Variants in CHEK1 observed in about 807,000 individuals in gnomAD.
The protein encoded by CHEK1 is checkpoint kinase 1.
In CHEK1, 32 loss-of-function variants were observed where a neutral mutation model predicts 60.2. That is an observed-to-expected ratio of 0.53 (90% CI 0.40 to 0.71). The LOEUF (loss-of-function observed/expected upper bound fraction) is 0.71. Ranked by LOEUF, CHEK1 falls within the 30% of genes least tolerant of loss-of-function variation. The pLI, the probability that CHEK1 is intolerant of heterozygous loss-of-function variation, is 0.00. For synonymous variants in CHEK1, 179 were observed against 187.2 expected (o/e 0.96, Z 0.36); for missense variants, 399 against 564.6 (o/e 0.71, Z 2.97).
At chr11:125,678,856 C>T (rs1942644155), downstream of CHEK1, among the ~76,000 whole-genome samples, 1 of 151,308 alleles carries the variant, frequency 6.6e-6, no homozygotes, top group Admixed American at 6.6e-5. Context: ...AGGGATTAAG[C>T]CGCCTGTATT....
chr11:125,662,900 T>G (rs117945956), intron 13 of CHEK1, among the ~76,000 whole-genome samples: 135 of 152,332 alleles, frequency 8.9e-4, no homozygotes, highest in Middle Eastern at 3.4e-3. Flanking sequence ...CTATTTTTTG[T>G]TTTAGCCATT....
At chr11:125,634,439 C>T (rs1398709582) in intron 6 of CHEK1, among the ~76,000 whole-genome samples, 1 of 152,054 alleles carries the variant, frequency 6.6e-6, no homozygotes, top group Non-Finnish European at 1.5e-5. Flanking sequence ...CCTCCTGCCT[C>T]AGTCTCCTCA....
At chr11:125,640,669 A>T (rs953044699) in intron 8 of CHEK1, among the ~76,000 whole-genome samples, 1 of 152,116 alleles carries the variant, frequency 6.6e-6, no homozygotes, top group African/African-American at 2.4e-5. Flanking sequence ...TCCTGAGCTT[A>T]AATGATCCTC....
At chr11:125,646,586 C>T (rs1346300357) in intron 11 of CHEK1, among the ~76,000 whole-genome samples, 2 of 152,126 alleles carry the variant, frequency 1.3e-5, no homozygotes, top group Admixed American at 6.5e-5. Context: ...TTTACGTTCC[C>T]ATCAGTAATG....
intron 13 of CHEK1, among the ~76,000 whole-genome samples, chr11:125,665,998 A>G (rs754178111): frequency 2.4e-4 from 35 of 147,940 alleles, no homozygotes; most frequent in East Asian, 2.0e-3. Flanking sequence ...TTATTTCTAC[A>G]TTGATCTTTA....
At chr11:125,641,795 T>C (rs1254600794) in intron 8 of CHEK1, among the ~76,000 whole-genome samples, 1 of 152,146 alleles carries the variant, frequency 6.6e-6, no homozygotes, top group Non-Finnish European at 1.5e-5. Context: ...ATTACCTTTT[T>C]TTTTTTTACC....
downstream of CHEK1, chr11:125,678,226 C>G (rs1264554901): frequency 6.2e-7 from 1 of 1,614,188 alleles, no homozygotes. Flanking sequence ...GAAAAGAACT[C>G]ACCTGGAAGT....
At chr11:125,675,475 A>T (rs968307911) in intron 13 of CHEK1, among the ~76,000 whole-genome samples, 2 of 152,244 alleles carry the variant, frequency 1.3e-5, no homozygotes, top group African/African-American at 4.8e-5. Flanking sequence ...GCATGTAGAA[A>T]TAGGAAAATG....
intron 13 of CHEK1, among the ~76,000 whole-genome samples, chr11:125,675,421 G>A (rs1018917552): frequency 3.9e-5 from 6 of 152,088 alleles, no homozygotes; most frequent in Non-Finnish European, 8.8e-5. Flanking sequence ...GTAGTTCATG[G>A]TATGTGTCAT....
intron 13 of CHEK1, among the ~76,000 whole-genome samples, chr11:125,670,845 CT>C (rs1208295814): frequency 1.3e-5 from 2 of 151,944 alleles, no homozygotes; most frequent in Non-Finnish European, 2.9e-5. Context: ...GCTTTCAAAT[CT>C]TTTTTTTATG....
downstream of CHEK1, among the ~76,000 whole-genome samples, chr11:125,660,332 T>C (rs1941988951): frequency 1.3e-5 from 2 of 152,224 alleles, no homozygotes; most frequent in African/African-American, 4.8e-5. Flanking sequence ...AGTGAATTAC[T>C]AGAGAAGCAT....
At chr11:125,667,864 A>C (rs540053894) in intron 13 of CHEK1, among the ~76,000 whole-genome samples, 83 of 152,146 alleles carry the variant, frequency 5.5e-4, no homozygotes, top group African/African-American at 1.9e-3. Context: ...CAAATGATCC[A>C]CCCACATCAG....
intron 13 of CHEK1, among the ~76,000 whole-genome samples, chr11:125,663,134 A>G (rs971704012): frequency 5.0e-5 from 5 of 100,334 alleles, no homozygotes; most frequent in Non-Finnish European, 8.8e-5. Context: ...GTCATTTGTG[A>G]AAAAAAAAAA....
intron 3 of CHEK1, 91 bp downstream of exon 3, chr11:125,627,921 A>G (rs1198516326): frequency 7.9e-6 from 8 of 1,011,558 alleles, no homozygotes; most frequent in Non-Finnish European, 1.1e-5. Flanking sequence ...TGTCCTTTCA[A>G]AATTGCTCAT....
chr11:125,643,020 C>A (rs1187439577), intron 8 of CHEK1: 1 of 152,106 alleles, frequency 6.6e-6, no homozygotes, highest in Non-Finnish European at 1.5e-5. Context: ...TAATATTCTT[C>A]TTTATAAAGC....
intron 6 of CHEK1, among the ~76,000 whole-genome samples, chr11:125,635,050 T>G (rs1203672902): frequency 6.6e-6 from 1 of 152,070 alleles, no homozygotes; most frequent in Non-Finnish European, 1.5e-5. Context: ...CTTGACCTCT[T>G]GGGTTCAAGT....
intron 11 of CHEK1, among the ~76,000 whole-genome samples, chr11:125,645,827 A>G (rs1941480412): frequency 6.6e-6 from 1 of 152,194 alleles, no homozygotes. Context: ...GTTATTTATT[A>G]TACTCTTTTT....
At chr11:125,628,265 T>C (rs1940706128) in intron 3 of CHEK1, among the ~76,000 whole-genome samples, 1 of 152,232 alleles carries the variant, frequency 6.6e-6, no homozygotes, top group Non-Finnish European at 1.5e-5. Flanking sequence ...ATTGAGAATT[T>C]TCTAGGATTG....
chr11:125,637,684 C>T (rs1941129118), intron 8 of CHEK1, 140 bp downstream of exon 8: 18 of 480,600 alleles, frequency 3.7e-5, no homozygotes, highest in Non-Finnish European at 4.6e-5. Context: ...GAAAAAAATA[C>T]AGAAATAATT....
Sources: gnomAD v4.1 joint callset for allele counts (sites outside exome capture counted in the v4.1 genomes callset) on GRCh38, gnomAD v4.1.1 for gene constraint, MANE v1.5 for transcripts, NCBI Gene and HGNC (gene_info 2026-07-23, HGNC 2026-07-21) for gene names.